The following OLA1 variants were observed in gnomAD, a reference collection of about 807,000 sequenced individuals.
The protein encoded by OLA1 is obg-like ATPase 1.
OLA1 carries 14 observed loss-of-function variants against 48.4 expected under a neutral mutation model. The ratio of observed to expected loss-of-function variants is 0.29; its 90% CI spans 0.19 to 0.45. The LOEUF is 0.45. OLA1 is among the 20% of genes least tolerant of loss of function. The probability of loss-of-function intolerance (pLI) is 1.00; values close to 1 mark genes in which losing one functional copy is unlikely to be tolerated. For synonymous variants in OLA1, 127 were observed against 150.4 expected (o/e 0.84, Z 1.14); for missense variants, 325 against 467.1 (o/e 0.70, Z 2.80).
chr2:174,193,182 T>A (rs1390796733), intron 4 of OLA1, among the ~76,000 whole-genome samples: 1 of 151,606 alleles, frequency 6.6e-6, no homozygotes, highest in Non-Finnish European at 1.5e-5. Context: ...TTCCGCCCTC[T>A]GGATTCAAGC....
At position 174,075,449 on chromosome 2, in the gene OLA1, G is replaced by A. The variant is rs199965936; in HGVS notation, c.1168C>T (p.Pro390Ser). ...TTTTATTTCTTCTTCGGTTGTTGAG[G>A]TGTGTTAAATTTGAAGAAGATAATA... ...GDIIFFKFNT[P>S]QQPKKK is the part of the protein sequence containing the mutation. Residue 390 changes from proline to serine, a missense_variant, in exon 11 of 11, where the codon CCT becomes TCT. Transcript: ENST00000284719. 3.1e-6 allele frequency: 5 copies of A among 1,596,782 alleles called. No individual in the cohort carries two copies. The highest frequency in any genetic ancestry group is 4.3e-6 in the Non-Finnish European group (5 of 1,165,350).
At chr2:174,157,992 T>A (rs1686925410) in intron 4 of OLA1, among the ~76,000 whole-genome samples, 1 of 152,150 alleles carries the variant, frequency 6.6e-6, no homozygotes, top group Admixed American at 6.5e-5. Context: ...AGCAACCACA[T>A]CCTTTGGGAG....
At position 174,074,686 on chromosome 2, in the gene OLA1, A is replaced by G. The variant is rs1005441726; in HGVS notation, c.*740T>C. The stretch of plus-strand genomic sequence containing the variant: ...TATGGTCAGAACAACAATAACAAAC[A>G]AAATTCTTTAATTTTTGAGACAGAA... On this transcript the variant is annotated 3_prime_UTR_variant, in exon 11 of 11. Coordinates refer to ENST00000284719, the MANE Select transcript of OLA1 (RefSeq NM_013341.5). The G allele has an allele frequency of 2.7e-5, 4 of 148,280 alleles. No individual in the cohort carries two copies. Among genetic ancestry groups the G allele is most frequent in the African/African-American group, 9.9e-5 (4 of 40,576 alleles). 9.2% of individuals were successfully genotyped at this position (148,280 alleles called of 1,614,324 possible).
At chr2:174,115,736 C>T (rs1281514854) in intron 7 of OLA1, among the ~76,000 whole-genome samples, 2 of 152,178 alleles carry the variant, frequency 1.3e-5, no homozygotes, top group Non-Finnish European at 1.5e-5. Context: ...TCTCCCTGAA[C>T]TGAGCTTTCC....
chr2:174,164,776 C>T (rs12693035), intron 4 of OLA1, among the ~76,000 whole-genome samples: 80,919 of 151,962 alleles, frequency 0.53, 22,125 homozygotes, highest in East Asian at 0.94. Context: ...TAGGAATTTA[C>T]GTAACTTCAG....
At chr2:174,206,900 GA>G (rs1559005043) in intron 4 of OLA1, among the ~76,000 whole-genome samples, 1 of 152,064 alleles carries the variant, frequency 6.6e-6, no homozygotes, top group East Asian at 1.9e-4. Context: ...AAATACTGCT[GA>G]AAAAGAAAAT....
intron 7 of OLA1, among the ~76,000 whole-genome samples, chr2:174,082,797 A>AT (rs538805933): frequency 2.0e-5 from 3 of 152,076 alleles, no homozygotes; most frequent in African/African-American, 4.8e-5. Context: ...TTATTGAGTC[A>AT]TTTTTTTTCC....
chr2:174,129,274 C>T (rs1686121212), intron 5 of OLA1, among the ~76,000 whole-genome samples: 1 of 151,894 alleles, frequency 6.6e-6, no homozygotes, highest in African/African-American at 2.4e-5. Context: ...CTGGCTAACA[C>T]AGTGAAACCC....
intron 4 of OLA1, among the ~76,000 whole-genome samples, chr2:174,183,559 T>C (rs1687592754): frequency 6.6e-6 from 1 of 152,212 alleles, no homozygotes; most frequent in Non-Finnish European, 1.5e-5. Flanking sequence ...CTCTATCAAA[T>C]ACCATACTCC....
intron 4 of OLA1, among the ~76,000 whole-genome samples, chr2:174,181,150 ATACT>A (rs1228331951): frequency 6.6e-6 from 1 of 152,230 alleles, no homozygotes; most frequent in East Asian, 1.9e-4. Context: ...TGATTTGCTA[ATACT>A]TAATCAGAGA....
chr2:174,171,935 G>GGGCAGC, intron 4 of OLA1: 1 of 153,232 alleles, frequency 6.5e-6, no homozygotes, highest in South Asian at 2.0e-4. Context: ...CCACCACCAC[G>GGGCAGC]GGCAGCGGCA....
At chr2:174,186,749 AG>A (rs1479565413) in intron 4 of OLA1, among the ~76,000 whole-genome samples, 1 of 152,144 alleles carries the variant, frequency 6.6e-6, no homozygotes, top group African/African-American at 2.4e-5. Context: ...ATGCCCCTAT[AG>A]GTAACAGTGA....
chr2:174,206,314 T>C (rs946343224), intron 4 of OLA1, among the ~76,000 whole-genome samples: 1 of 152,060 alleles, frequency 6.6e-6, no homozygotes, highest in African/African-American at 2.4e-5. Context: ...AGGAAGATTG[T>C]TAGTGCCCAG....
At chr2:174,245,470 T>G (rs574802126) in intron 2 of OLA1, among the ~76,000 whole-genome samples, 2 of 152,358 alleles carry the variant, frequency 1.3e-5, no homozygotes, top group South Asian at 4.1e-4. Context: ...TTGTCCTACT[T>G]GCCACCAATC....
chr2:174,167,854 A>C (rs1687202166), intron 4 of OLA1, among the ~76,000 whole-genome samples: 1 of 152,246 alleles, frequency 6.6e-6, no homozygotes, highest in South Asian at 2.1e-4. Flanking sequence ...CTACTGACTT[A>C]TTACGTAGCC....
chr2:174,201,965 G>A (rs937246978), intron 4 of OLA1, among the ~76,000 whole-genome samples: 1 of 151,784 alleles, frequency 6.6e-6, no homozygotes, highest in African/African-American at 2.4e-5. Flanking sequence ...GAACAACATG[G>A]CTTTGAACTG....
At position 174,129,258 on chromosome 2, in the gene OLA1, A is replaced by G. The variant is rs966633663; in HGVS notation, c.550-5583T>C. Among the ~76,000 whole-genome samples, 3 of 152,214 alleles carry G rather than the reference A, an allele frequency of 2.0e-5. No homozygotes were observed. In the East Asian group the frequency reaches 5.8e-4, roughly 29 times the overall value. ...CGGATCACGAGGTCAGGAGATCGAT[A>G]CCATCCTGGCTAACACAGTGAAACC... is the stretch of plus-strand genomic sequence containing the variant. On this transcript the variant is annotated intron_variant, in intron 5 of 10. Transcript: ENST00000284719.
At chr2:174,103,183 ACATGTGTAT>A (rs137856620) in intron 7 of OLA1, among the ~76,000 whole-genome samples, 28,109 of 148,464 alleles carry the variant, frequency 0.19, 2,764 homozygotes, top group Middle Eastern at 0.27. Flanking sequence ...AATCATGTGT[ACATGTGTAT>A]CATGTGTATT....
At position 174,215,878 on chromosome 2, in the gene OLA1, T is replaced by A. The variant is rs531610249; in HGVS notation, c.373+7155A>T. Among the ~76,000 whole-genome samples the A allele has an allele frequency of 2.6e-5, 4 of 152,346 alleles. No individual in the cohort carries two copies. The East Asian group carries it at 5.8e-4, about 22-fold the overall frequency. ...CAAGTATCCTTATCTTAAAACACTGTGAGACATTAATCATCATCACATGAG... is the reference window on the plus strand; with the variant it reads ...CAAGTATCCTTATCTTAAAACACTGAGAGACATTAATCATCATCACATGAG... On this transcript the variant is annotated intron_variant, in intron 4 of 10. Coordinates refer to ENST00000284719, the MANE Select transcript of OLA1 (RefSeq NM_013341.5).
Sources: gnomAD v4.1 joint callset for allele counts (sites outside exome capture counted in the v4.1 genomes callset) on GRCh38, gnomAD v4.1.1 for gene constraint, MANE v1.5 for transcripts, NCBI Gene and HGNC (gene_info 2026-07-23, HGNC 2026-07-21) for gene names.